Variants in TTBK2 observed in about 807,000 individuals in gnomAD.
TTBK2 encodes tau tubulin kinase 2.
TTBK2 carries 28 observed loss-of-function variants against 110.8 expected under a neutral mutation model. The observed-to-expected ratio is 0.25, with a 90% CI of 0.19 to 0.35. TTBK2 has a LOEUF of 0.35. Among genes scored for constraint, TTBK2 ranks in the 10% least tolerant of loss-of-function variants. TTBK2 has a pLI of 1.00. For synonymous variants in TTBK2, 532 were observed against 527.3 expected (o/e 1.01, Z -0.12); for missense variants, 1,369 against 1,500.3 (o/e 0.91, Z 1.45).
intron 1 of TTBK2, among the ~76,000 whole-genome samples, chr15:42,915,824 G>A (rs994273476): frequency 1.3e-5 from 2 of 152,060 alleles, no homozygotes; most frequent in East Asian, 1.9e-4. Context: ...GCACATGCCC[G>A]TAGTCCCAGC....
chr15:42,878,620 C>G lies in TTBK2; in HGVS notation c.-3G>C, dbSNP rs1894918058. On this transcript the variant is annotated 5_prime_UTR_variant, in exon 2 of 15. Coordinates refer to ENST00000267890, the MANE Select transcript of TTBK2 (RefSeq NM_173500.4). Reference sequence around the variant, plus strand: ...AGCTGCTCTCCTCCCCCACTCATTGCAATACACTGATATGGTAGAACAGCT... The same window carrying G: ...AGCTGCTCTCCTCCCCCACTCATTGGAATACACTGATATGGTAGAACAGCT... 1 of 1,613,590 alleles carries G rather than the reference C, an allele frequency of 6.2e-7. No individual in the cohort carries two copies. The highest frequency in any genetic ancestry group is 8.5e-7 in the Non-Finnish European group (1 of 1,179,904).
intron 1 of TTBK2, among the ~76,000 whole-genome samples, chr15:42,882,010 A>C (rs924901458): frequency 6.6e-6 from 1 of 152,210 alleles, no homozygotes; most frequent in African/African-American, 2.4e-5. Flanking sequence ...GCAATTACAC[A>C]ATGTGAAGAT....
intron 10 of TTBK2, among the ~76,000 whole-genome samples, chr15:42,794,387 T>C (rs1363506173): frequency 1.3e-5 from 2 of 152,184 alleles, no homozygotes; most frequent in African/African-American, 2.4e-5. Flanking sequence ...TTTTGAAGAA[T>C]ACCCATTATA....
intron 3 of TTBK2, among the ~76,000 whole-genome samples, chr15:42,845,745 A>T (rs1893430853): frequency 6.6e-6 from 1 of 151,522 alleles, no homozygotes; most frequent in Admixed American, 6.6e-5. Context: ...ATATGTGCTG[A>T]GAAATGCATC....
chr15:42,839,739 T>C (rs1049925767), intron 4 of TTBK2, among the ~76,000 whole-genome samples: 13 of 152,220 alleles, frequency 8.5e-5, no homozygotes, highest in Non-Finnish European at 1.9e-4. Context: ...TGGCCATATA[T>C]ATGTCTTATT....
intron 1 of TTBK2, among the ~76,000 whole-genome samples, chr15:42,897,247 A>G (rs564802079): frequency 1.3e-5 from 2 of 152,176 alleles, no homozygotes; most frequent in Non-Finnish European, 2.9e-5. Flanking sequence ...TATTTAGAGT[A>G]CCAATAATTT....
At chr15:42,787,232 C>T (rs1404670741) in intron 10 of TTBK2, among the ~76,000 whole-genome samples, 1 of 152,138 alleles carries the variant, frequency 6.6e-6, no homozygotes, top group Non-Finnish European at 1.5e-5. Flanking sequence ...GTGACAGAGA[C>T]AGCATAGCTC....
chr15:42,917,607 G>A lies in TTBK2; in HGVS notation c.-68+2831C>T, dbSNP rs1006070454. Among the ~76,000 whole-genome samples, 7 of 151,084 alleles carry A rather than the reference G, an allele frequency of 4.6e-5. 1 individual carries two copies. The highest frequency in any genetic ancestry group is 2.9e-5 in the Non-Finnish European group (2 of 67,822). ...TAACTTGAAAGCTTTCAGTACTTTC[G>A]GCATAAAAGGTTCTATCCACTGAAG... On this transcript the variant is annotated intron_variant, in intron 1 of 14. Coordinates refer to ENST00000267890, the MANE Select transcript of TTBK2 (RefSeq NM_173500.4).
At chr15:42,816,085 A>AATAAAT (rs1397691949) in intron 7 of TTBK2, among the ~76,000 whole-genome samples, 174 of 67,446 alleles carry the variant, frequency 2.6e-3, no homozygotes, top group African/African-American at 9.3e-3. Context: ...TAAATAAATA[A>AATAAAT]ATATATATAT....
At position 42,920,518 on chromosome 15, in the gene TTBK2, G is replaced by C; in HGVS notation, c.-148C>G. ...CCGGGACCGGCGGGGGTTAACCCTC[G>C]GCAGGCGGGACCGCCACTGCCTGCC... On this transcript the variant is annotated 5_prime_UTR_variant, in exon 1 of 15. Transcript: ENST00000267890. 6.5e-6 allele frequency: 1 copy of C among 153,060 alleles called. No homozygotes were observed. The highest frequency in any genetic ancestry group is 1.9e-4 in the South Asian group (1 of 5,236). 9.5% of individuals were successfully genotyped at this position (153,060 alleles called of 1,614,324 possible).
chr15:42,915,897 C>T (rs780471274), intron 1 of TTBK2, among the ~76,000 whole-genome samples: 5 of 151,868 alleles, frequency 3.3e-5, no homozygotes, highest in Non-Finnish European at 7.4e-5. Flanking sequence ...CAGTGAGCTA[C>T]GATCATGGCA....
At chr15:42,851,805 A>C (rs943752632) in intron 3 of TTBK2, among the ~76,000 whole-genome samples, 1 of 152,104 alleles carries the variant, frequency 6.6e-6, no homozygotes, top group Non-Finnish European at 1.5e-5. Context: ...AGTGGGGAAG[A>C]AAGTGAGGGG....
At position 42,777,119 on chromosome 15, in the gene TTBK2, G is replaced by C. The variant is rs773725330; in HGVS notation, c.1321C>G (p.Arg441Gly). ...AAGCTGTGAATGGAACGTAACTTTC[G>C]CACCAGTGGAATATCTCTGTCTGGC... ...TQPDRDIPLV[R>G]KLRSIHSFEL... The change falls in exon 12 of 15, where the codon CGA (arginine) becomes GGA (glycine). Residue 441 changes from arginine (R) to glycine (G), a missense_variant. By Grantham distance (125) the Arg-to-Gly change is moderately radical. Coordinates refer to ENST00000267890, the MANE Select transcript of TTBK2 (RefSeq NM_173500.4). The C allele has an allele frequency of 1.2e-6, 2 of 1,614,132 alleles. No homozygotes were observed. Among genetic ancestry groups the C allele is most frequent in the Middle Eastern group, 1.6e-4 (1 of 6,062 alleles).
intron 1 of TTBK2, among the ~76,000 whole-genome samples, chr15:42,902,209 C>A (rs556243779): frequency 5.4e-4 from 77 of 141,708 alleles, no homozygotes; most frequent in Non-Finnish European, 7.0e-4. Flanking sequence ...GAGCGAGACT[C>A]CATCTCCAAA....
intron 13 of TTBK2, among the ~76,000 whole-genome samples, chr15:42,773,275 T>A (rs1054421712): frequency 7.9e-5 from 12 of 151,620 alleles, no homozygotes; most frequent in African/African-American, 2.9e-4. Context: ...GACTTTCAAT[T>A]AATACAAAAA....
intron 10 of TTBK2, among the ~76,000 whole-genome samples, chr15:42,790,320 T>A (rs1007683109): frequency 4.0e-5 from 6 of 151,076 alleles, no homozygotes; most frequent in Non-Finnish European, 7.4e-5. Context: ...GATCTCACTC[T>A]GCTGCCCAGG....
intron 4 of TTBK2, among the ~76,000 whole-genome samples, chr15:42,835,735 T>C (rs1892960912): frequency 6.6e-6 from 1 of 152,080 alleles, no homozygotes; most frequent in African/African-American, 2.4e-5. Flanking sequence ...GTGGTTACTT[T>C]AAGAAAAAAA....
chr15:42,763,143 C>T (rs796650558), intron 13 of TTBK2, among the ~76,000 whole-genome samples: 42 of 51,150 alleles, frequency 8.2e-4, no homozygotes, highest in African/African-American at 3.0e-3. Flanking sequence ...TATATACATA[C>T]ATATATATAT....
chr15:42,905,121 A>G (rs528507222), intron 1 of TTBK2, among the ~76,000 whole-genome samples: 1 of 152,086 alleles, frequency 6.6e-6, no homozygotes, highest in South Asian at 2.1e-4. Flanking sequence ...CTATCCGCCC[A>G]TCTTGGCCTC....
Sources: gnomAD v4.1 joint callset for allele counts (sites outside exome capture counted in the v4.1 genomes callset) on GRCh38, gnomAD v4.1.1 for gene constraint, MANE v1.5 for transcripts, NCBI Gene and HGNC (gene_info 2026-07-23, HGNC 2026-07-21) for gene names.